Variants in CDK13 observed in about 807,000 individuals in gnomAD.
CDK13 encodes cyclin-dependent kinase 13.
Under a neutral mutation model 137.6 loss-of-function variants are expected in CDK13, and 40 were observed. That is an observed-to-expected ratio of 0.29 (90% CI 0.23 to 0.38). The LOEUF (loss-of-function observed/expected upper bound fraction) is 0.38, where lower values mean the gene tolerates loss of function less well. CDK13 is among the 10% of genes least tolerant of loss of function. CDK13 has a pLI of 1.00. For missense variants in CDK13, 1,704 were observed against 1,951.8 expected, an observed-to-expected ratio of 0.87 and a Z score of 2.39; for synonymous variants, 869 against 760.1, an observed-to-expected ratio of 1.14 and a Z score of -2.36.
At chr7:40,003,225 C>CTTACTCTGTTGAGGGACACAA (rs1784731766) in intron 5 of CDK13, among the ~76,000 whole-genome samples, 1 of 147,548 alleles carries the variant, frequency 6.8e-6, no homozygotes, top group Non-Finnish European at 1.5e-5. Flanking sequence ...CTCTCTCTCT[C>CTTACTCTGTTGAGGGACACAA]TTACTCTGTT....
chr7:39,988,333 C>T, intron 2 of CDK13, 75 bp downstream of exon 2: 2 of 1,113,826 alleles, frequency 1.8e-6, no homozygotes, highest in Non-Finnish European at 2.6e-6. Context: ...GAGTTGACCT[C>T]CCCTAACCCC....
chr7:40,000,181 G>T (rs903566762), intron 4 of CDK13, among the ~76,000 whole-genome samples: 2 of 152,082 alleles, frequency 1.3e-5, no homozygotes. Context: ...TTCGAGACCA[G>T]CCTGGCCAAC....
intron 1 of CDK13, among the ~76,000 whole-genome samples, chr7:39,969,804 AT>A (rs796372153): frequency 2.6e-5 from 4 of 151,760 alleles, no homozygotes; most frequent in African/African-American, 9.7e-5. Flanking sequence ...TGCCCTTCCT[AT>A]TTTTTGCTAA....
chr7:39,989,516 T>A (rs181434658), intron 2 of CDK13, among the ~76,000 whole-genome samples: 102 of 152,212 alleles, frequency 6.7e-4, no homozygotes, highest in Non-Finnish European at 3.4e-4. Context: ...AAATAATAAT[T>A]CTTGAGTTTC....
intron 9 of CDK13, among the ~76,000 whole-genome samples, chr7:40,066,078 G>A (rs1786273515): frequency 6.6e-6 from 1 of 152,108 alleles, no homozygotes; most frequent in African/African-American, 2.4e-5. Flanking sequence ...ATTGGAGGGT[G>A]AGCATGTGGT....
At chr7:39,999,585 T>C (rs1395306132) in intron 4 of CDK13, 85 bp downstream of exon 4, 40 of 1,360,530 alleles carry the variant, frequency 2.9e-5, no homozygotes, top group Non-Finnish European at 4.0e-5. Flanking sequence ...CTTCAGAAAT[T>C]TTCCAAAAAA....
At chr7:40,049,748 C>G (rs1361967292) in intron 7 of CDK13, among the ~76,000 whole-genome samples, 2 of 152,142 alleles carry the variant, frequency 1.3e-5, no homozygotes, top group Non-Finnish European at 2.9e-5. Flanking sequence ...ACTCCCTATG[C>G]CCCGTATCTG....
chr7:40,052,426 C>T (rs1020897234), intron 7 of CDK13, among the ~76,000 whole-genome samples: 2 of 152,210 alleles, frequency 1.3e-5, no homozygotes, highest in African/African-American at 4.8e-5. Flanking sequence ...ATCTACCCAC[C>T]TCTGCCTCCC....
At chr7:39,966,651 G>T (rs1783879003) in intron 1 of CDK13, among the ~76,000 whole-genome samples, 1 of 152,172 alleles carries the variant, frequency 6.6e-6, no homozygotes, top group South Asian at 2.1e-4. Flanking sequence ...TTCCGTTGCT[G>T]GTGAGGAGCT....
chr7:40,050,743 C>G (rs921861923), intron 7 of CDK13, among the ~76,000 whole-genome samples: 1 of 152,106 alleles, frequency 6.6e-6, no homozygotes, highest in Admixed American at 6.6e-5. Flanking sequence ...TGGGCAAGTT[C>G]TGGTTAATTA....
chr7:40,011,768 GA>G (rs138344241), intron 5 of CDK13, among the ~76,000 whole-genome samples: 5,983 of 151,762 alleles, frequency 0.039, 160 homozygotes, highest in Non-Finnish European at 0.06. Flanking sequence ...GGCAACAAAA[GA>G]AAAAAAATAG....
chr7:39,977,032 C>A (rs1021389328), intron 1 of CDK13, among the ~76,000 whole-genome samples: 1 of 152,094 alleles, frequency 6.6e-6, no homozygotes, highest in African/African-American at 2.4e-5. Flanking sequence ...AAGAAGGGTG[C>A]AGATAAAATG....
At position 40,078,779 on chromosome 7, in the gene CDK13, G is replaced by A. The variant is rs2150536418; in HGVS notation, c.2957G>A (p.Arg986His). The A allele has an allele frequency of 1.3e-6, 2 of 1,555,882 alleles. No individual in the cohort carries two copies. The highest frequency in any genetic ancestry group is 1.7e-6 in the Non-Finnish European group (2 of 1,148,760). ...DYMLALDPSKRCTAEQALQCE... is the reference protein window; with the variant it reads ...DYMLALDPSKHCTAEQALQCE... ...ATGCTTGCCTTGGATCCTAGTAAGCGCTGCACTGCTGAACAGGCTCTTCAG... is the reference window on the plus strand; with the variant it reads ...ATGCTTGCCTTGGATCCTAGTAAGCACTGCACTGCTGAACAGGCTCTTCAG... Residue 986 changes from arginine (R) to histidine (H), a missense_variant, in exon 11 of 14, where the codon CGC (arginine) becomes CAC (histidine). By Grantham distance (29) the Arg-to-His change is conservative. Transcript: ENST00000181839.
chr7:40,021,104 T>TACACAC (rs1491265610), intron 5 of CDK13, among the ~76,000 whole-genome samples: 4 of 14,638 alleles, frequency 2.7e-4, no homozygotes, highest in Admixed American at 7.3e-4. Context: ...CAAACAAACG[T>TACACAC]ATATATATAT....
At chr7:40,087,094 C>T (rs940619675) in intron 11 of CDK13, among the ~76,000 whole-genome samples, 5 of 152,084 alleles carry the variant, frequency 3.3e-5, no homozygotes, top group East Asian at 1.9e-4. Flanking sequence ...TGAGCTGCTG[C>T]GCCTGGCCCT....
chr7:40,070,394 A>AGAG (rs1786389431), intron 9 of CDK13: 1 of 118,370 alleles, frequency 8.4e-6, no homozygotes. Context: ...GGGCAACAGC[A>AGAG]AGACTCCATC....
chr7:39,952,323 G>A (rs1157234551), intron 1 of CDK13: 1 of 153,292 alleles, frequency 6.5e-6, no homozygotes, highest in Admixed American at 6.5e-5. Context: ...AGAGTTAGAT[G>A]TGGATTGCAG....
At chr7:40,023,792 G>T (rs1785181262) in intron 5 of CDK13, among the ~76,000 whole-genome samples, 1 of 152,116 alleles carries the variant, frequency 6.6e-6, no homozygotes, top group Non-Finnish European at 1.5e-5. Context: ...GCCCTGGATT[G>T]ATCTCTTAAT....
Position 40,092,922 on chromosome 7 carries a change from C to G in CDK13, c.3373C>G (p.Gln1125Glu). The G allele has an allele frequency of 1.9e-6, 3 of 1,614,124 alleles. No homozygotes were observed. Among genetic ancestry groups the G allele is most frequent in the Non-Finnish European group, 2.5e-6 (3 of 1,180,018 alleles). Residue 1125 changes from glutamine (Q) to glutamate (E), a missense_variant, in exon 13 of 14, where the codon CAG (glutamine) becomes GAG (glutamate). Coordinates refer to ENST00000181839, the MANE Select transcript of CDK13 (RefSeq NM_003718.5). Reference sequence around the variant, plus strand: ...TAAGGTAAACTCTGAGACTCAACAGCAGCTAAATAAAATAAACCTTCCTGC... The same window carrying G: ...TAAGGTAAACTCTGAGACTCAACAGGAGCTAAATAAAATAAACCTTCCTGC... The part of the protein sequence containing the change: ...NIKVNSETQQ[Q>E]LNKINLPAGI...
Sources: allele counts gnomAD v4.1 joint callset (sites outside exome capture counted in the v4.1 genomes callset), GRCh38; gene constraint gnomAD v4.1.1; transcripts MANE v1.5; gene names NCBI Gene and HGNC (gene_info 2026-07-23, HGNC 2026-07-21).